Variants in AUTS2 observed in about 807,000 individuals in gnomAD.
AUTS2 encodes the protein activator of transcription and developmental regulator AUTS2, also known as autism susceptibility gene 2 protein.
Under a neutral mutation model 112.4 loss-of-function variants are expected in AUTS2, and 17 were observed. That is an observed-to-expected ratio of 0.15 (90% CI 0.10 to 0.23). AUTS2 has a LOEUF of 0.23. AUTS2 is among the 10% of genes least tolerant of loss of function. The pLI, the probability that AUTS2 is intolerant of heterozygous loss-of-function variation, is 1.00. For missense variants in AUTS2, 1,510 were observed against 1,701.6 expected, an observed-to-expected ratio of 0.89 and a Z score of 1.98; for synonymous variants, 751 against 702.7, an observed-to-expected ratio of 1.07 and a Z score of -1.09.
chr7:70,115,412 T>C (rs542588495), intron 2 of AUTS2, among the ~76,000 whole-genome samples: 6 of 152,302 alleles, frequency 3.9e-5, no homozygotes, highest in Admixed American at 2.0e-4. Flanking sequence ...TGGGCTCAGG[T>C]GATCCCCCCG....
chr7:70,081,348 T>C (rs1432394454), intron 2 of AUTS2, among the ~76,000 whole-genome samples: 1 of 149,998 alleles, frequency 6.7e-6, no homozygotes, highest in East Asian at 2.0e-4. Context: ...GTCAGGAGTT[T>C]GAGACCAGCC....
At chr7:70,094,428 ATTC>A (rs1376637675) in intron 2 of AUTS2, among the ~76,000 whole-genome samples, 4 of 152,244 alleles carry the variant, frequency 2.6e-5, no homozygotes, top group Non-Finnish European at 5.9e-5. Context: ...CTTTGGATTG[ATTC>A]TAAAGAAGCA....
intron 2 of AUTS2, among the ~76,000 whole-genome samples, chr7:69,978,754 G>C (rs999451744): frequency 2.0e-5 from 3 of 151,930 alleles, no homozygotes; most frequent in Non-Finnish European, 4.4e-5. Context: ...GCTAAAGTGG[G>C]AGGATCTCAT....
chr7:70,190,712 C>A (rs1052066615), intron 4 of AUTS2, among the ~76,000 whole-genome samples: 1 of 152,140 alleles, frequency 6.6e-6, no homozygotes, highest in African/African-American at 2.4e-5. Context: ...ACTGATGTTT[C>A]AATTCTGTTT....
intron 2 of AUTS2, among the ~76,000 whole-genome samples, chr7:70,083,840 A>G (rs1221164779): frequency 6.6e-6 from 1 of 152,134 alleles, no homozygotes; most frequent in African/African-American, 2.4e-5. Context: ...CCAGCTACTC[A>G]GGAGGCTGAG....
intron 5 of AUTS2, among the ~76,000 whole-genome samples, chr7:70,514,709 C>G (rs1301892709): frequency 6.6e-6 from 1 of 152,046 alleles, no homozygotes; most frequent in East Asian, 1.9e-4. Flanking sequence ...GCATCTTCAC[C>G]CCAACTGCTT....
At chr7:70,625,325 C>T (rs887181341) in intron 5 of AUTS2, among the ~76,000 whole-genome samples, 1 of 152,078 alleles carries the variant, frequency 6.6e-6, no homozygotes. Flanking sequence ...GAGTGTGTAT[C>T]CAATTTGACT....
At chr7:69,721,206 T>C (rs1002333996) in intron 1 of AUTS2, among the ~76,000 whole-genome samples, 4 of 152,216 alleles carry the variant, frequency 2.6e-5, no homozygotes, top group African/African-American at 9.6e-5. Flanking sequence ...TGCCTCCTGA[T>C]CTGCTCAAGT....
intron 5 of AUTS2, among the ~76,000 whole-genome samples, chr7:70,581,227 T>C (rs892964682): frequency 1.3e-5 from 2 of 151,752 alleles, no homozygotes; most frequent in Admixed American, 1.3e-4. Context: ...CTACTAAAAA[T>C]ACAAAAAAAT....
intron 3 of AUTS2, among the ~76,000 whole-genome samples, chr7:70,132,403 C>T (rs117833446): frequency 1.7e-4 from 26 of 152,144 alleles, no homozygotes; most frequent in Non-Finnish European, 2.5e-4. Context: ...GTTAATTCCT[C>T]GGCAGTGCAA....
intron 4 of AUTS2, among the ~76,000 whole-genome samples, chr7:70,146,731 A>G (rs1361497453): frequency 1.3e-5 from 2 of 152,138 alleles, no homozygotes; most frequent in Non-Finnish European, 2.9e-5. Context: ...TTTGATTACA[A>G]GCATTTAAGC....
intron 5 of AUTS2, among the ~76,000 whole-genome samples, chr7:70,473,398 A>G (rs1251872593): frequency 1.3e-5 from 2 of 152,184 alleles, no homozygotes; most frequent in East Asian, 1.9e-4. Context: ...CCAGGTCACT[A>G]CAAAATACAA....
chr7:70,424,302 C>T (rs550542621), intron 4 of AUTS2, among the ~76,000 whole-genome samples: 5 of 152,278 alleles, frequency 3.3e-5, no homozygotes, highest in Admixed American at 6.5e-5. Context: ...TGCTTGTAGG[C>T]GCTGCAATCT....
At position 70,161,283 on chromosome 7, in the gene AUTS2, G is replaced by GT. The variant is rs772805647; in HGVS notation, c.660+26723dup. On this transcript the variant is annotated intron_variant, in intron 4 of 18. Coordinates refer to ENST00000342771, the MANE Select transcript of AUTS2 (RefSeq NM_015570.4). ...ATCTTTCCCCCAATTTTTCTTGCTA[G>GT]TTTTTTTTTTTCACTGAAAATTCTA... Among the ~76,000 whole-genome samples the GT allele has an allele frequency of 8.2e-3, 1,190 of 145,886 alleles. 9 individuals carry two copies. The highest frequency in any genetic ancestry group is 0.021 in the Middle Eastern group (6 of 284).
At chr7:69,635,109 C>T (rs928895847) in intron 1 of AUTS2, among the ~76,000 whole-genome samples, 1 of 151,998 alleles carries the variant, frequency 6.6e-6, no homozygotes. Context: ...CTTGTCTGCT[C>T]CTCTAGGTCT....
intron 1 of AUTS2, among the ~76,000 whole-genome samples, chr7:69,804,265 G>A (rs1244082497): frequency 6.6e-6 from 1 of 152,128 alleles, no homozygotes; most frequent in Non-Finnish European, 1.5e-5. Flanking sequence ...ATATGGTCAC[G>A]TACACATCTG....
chr7:70,400,568 G>C (rs1053932377), intron 4 of AUTS2, among the ~76,000 whole-genome samples: 18 of 152,164 alleles, frequency 1.2e-4, no homozygotes, highest in African/African-American at 3.1e-4. Context: ...TTCATGCTGA[G>C]GTAGGGGGGC....
intron 11 of AUTS2, among the ~76,000 whole-genome samples, chr7:70,772,427 T>C (rs1262862143): frequency 2.0e-5 from 3 of 152,208 alleles, no homozygotes; most frequent in Non-Finnish European, 4.4e-5. Flanking sequence ...TACTTACAAT[T>C]TCTATTTTAC....
chr7:70,791,074 C>T lies in AUTS2; in HGVS notation c.*78C>T. On this transcript the variant is annotated 3_prime_UTR_variant, in exon 19 of 19. Coordinates refer to ENST00000342771, the MANE Select transcript of AUTS2 (RefSeq NM_015570.4). ...CCAGGCTTGAGAGACAGAACTCCTG[C>T]ATGGCTCACACAGACTGGGGGGGAA... 1 of 1,374,142 alleles carries T rather than the reference C, an allele frequency of 7.3e-7. No individual in the cohort carries two copies. The highest frequency in any genetic ancestry group is 9.4e-7 in the Non-Finnish European group (1 of 1,059,966). The allele number at this position is 1,374,142 out of a possible 1,614,324, so 85.1% of individuals were successfully genotyped here.
Sources: allele counts gnomAD v4.1 joint callset (sites outside exome capture counted in the v4.1 genomes callset), GRCh38; gene constraint gnomAD v4.1.1; transcripts MANE v1.5; gene names NCBI Gene and HGNC (gene_info 2026-07-23, HGNC 2026-07-21).